The following SLC25A18 variants were observed in gnomAD, a reference collection of about 807,000 sequenced individuals.
SLC25A18 encodes solute carrier family 25 member 18.
Under a neutral mutation model 31.1 loss-of-function variants are expected in SLC25A18, and 24 were observed. The observed-to-expected ratio is 0.77, with a 90% confidence interval of 0.56 to 1.08. The LOEUF (loss-of-function observed/expected upper bound fraction) is 1.08, where lower values mean the gene tolerates loss of function less well. Among genes scored for constraint, SLC25A18 ranks in the 50% least tolerant of loss-of-function variants. The pLI is 0.00. For missense variants in SLC25A18, 371 were observed against 418.5 expected (o/e 0.89, Z 0.99); for synonymous variants, 173 against 161.9 (o/e 1.07, Z -0.52).
At chr22:17,571,110 G>A (rs2057075936) in intron 2 of SLC25A18, among the ~76,000 whole-genome samples, 1 of 152,222 alleles carries the variant, frequency 6.6e-6, no homozygotes, top group Admixed American at 6.5e-5. Flanking sequence ...GAAAACCAGG[G>A]CAGGTTGTGC....
At chr22:17,585,650 A>AT (rs143835144) in intron 7 of SLC25A18, among the ~76,000 whole-genome samples, 1,870 of 137,172 alleles carry the variant, frequency 0.014, 15 homozygotes, top group Middle Eastern at 0.041. Context: ...TATTATTATT[A>AT]TTTTTTTTTT....
At chr22:17,565,173 C>T (rs904680891) in intron 1 of SLC25A18, among the ~76,000 whole-genome samples, 1 of 152,010 alleles carries the variant, frequency 6.6e-6, no homozygotes, top group Non-Finnish European at 1.5e-5. Context: ...TCCGCCCCCC[C>T]GGGTTCACGC....
Position 17,569,978 on chromosome 22 carries a change from CGAA to C in SLC25A18, c.-208_-206del. ...TTCCAGAAAAGGCAGAGGTTCTTAC[CGAA>C]AGCAGGTAAGTGTCTTGTCTGTCTG... is the stretch of plus-strand genomic sequence containing the variant. On this transcript the variant is annotated 5_prime_UTR_variant, in exon 2 of 11. Coordinates refer to ENST00000327451, the MANE Select transcript of SLC25A18 (RefSeq NM_031481.3). The C allele has an allele frequency of 5.1e-6, 5 of 985,392 alleles. No individual in the cohort carries two copies. The highest frequency in any genetic ancestry group is 6.0e-6 in the Non-Finnish European group (5 of 829,952). 61.0% of individuals were successfully genotyped at this position (985,392 alleles called of 1,614,324 possible). A position where few individuals can be genotyped will look rare whatever the true frequency, so the allele number is the denominator to read the frequency against.
At position 17,584,399 on chromosome 22, in the gene SLC25A18, A is replaced by AAAAGAAAGAAAGAAAG. The variant is rs1187381986; in HGVS notation, c.409+876_409+891dup. Among the ~76,000 whole-genome samples, 372 of 110,664 alleles carry AAAAGAAAGAAAGAAAG rather than the reference A, an allele frequency of 3.4e-3. 6 individuals are homozygous for AAAAGAAAGAAAGAAAG. Among genetic ancestry groups the AAAAGAAAGAAAGAAAG allele is most frequent in the African/African-American group, 0.012 (339 of 28,566 alleles). The allele number at this position is 110,664 out of a possible 152,430, so 72.6% of individuals were successfully genotyped here. ...CAGAGCAAGACTCCATCTCAAAAAG[A>AAAAGAAAGAAAGAAAG]AAAGAAAGAAAGAAAGAAAGAAAGA... is the stretch of plus-strand genomic sequence containing the variant. On this transcript the variant is annotated intron_variant, in intron 7 of 10. Transcript: ENST00000327451.
chr22:17,587,356 C>T, intron 8 of SLC25A18, 55 bp downstream of exon 8: 1 of 1,548,456 alleles, frequency 6.5e-7, no homozygotes, highest in Non-Finnish European at 8.7e-7. Context: ...GCACGAGGGC[C>T]AGAGAGCTGG....
Position 17,587,277 on chromosome 22 carries a change from G to A in SLC25A18, c.551G>A (p.Arg184Lys), listed in dbSNP as rs998595253. The A allele has an allele frequency of 5.0e-6, 8 of 1,613,478 alleles. No homozygotes were observed. The highest frequency in any genetic ancestry group is 6.8e-6 in the Non-Finnish European group (8 of 1,179,940). The change falls in exon 8 of 11, where the codon AGG becomes AAG. Residue 184 changes from arginine (R) to lysine (K), a missense_variant. Arg to Lys is a conservative substitution (Grantham distance 26, BLOSUM62 2). Transcript: ENST00000327451. ...ACTCAGGGCCTGGCTGGGCTCTACA[G>A]GGGCCTGGGTGCCACTCTCCTCAGG... ...LRTQGLAGLY[R>K]GLGATLLRDI...
chr22:17,582,004 A>T (rs2146253514), intron 5 of SLC25A18: 1 of 154,076 alleles, frequency 6.5e-6, no homozygotes, highest in Non-Finnish European at 1.4e-5. Flanking sequence ...CAGCGACCCC[A>T]CCAGCAGCAA....
intron 3 of SLC25A18, 199 bp from the exon 4 acceptor site, chr22:17,580,838 C>CA: frequency 7.6e-7 from 1 of 1,316,456 alleles, no homozygotes; most frequent in African/African-American, 1.5e-5. Flanking sequence ...TCCCGGGTTG[C>CA]AGCAAGATGC....
At chr22:17,587,385 G>A (rs1601346411) in intron 8 of SLC25A18, 84 bp downstream of exon 8, 7 of 1,476,898 alleles carry the variant, frequency 4.7e-6, no homozygotes, top group East Asian at 2.3e-5. Flanking sequence ...ATCTGCCTCT[G>A]TGTCCTTCCC....
intron 9 of SLC25A18, 59 bp from the exon 10 acceptor site, chr22:17,589,531 G>T: frequency 6.7e-7 from 1 of 1,491,926 alleles, no homozygotes; most frequent in Non-Finnish European, 9.3e-7. Flanking sequence ...CCTTAGTGTT[G>T]AGGGGAGGAC....
At chr22:17,577,045 C>A (rs1006397556) in intron 2 of SLC25A18, among the ~76,000 whole-genome samples, 1 of 150,830 alleles carries the variant, frequency 6.6e-6, no homozygotes, top group African/African-American at 2.4e-5. Context: ...GGGTGGGGGA[C>A]AGAGTCTCAC....
Position 17,581,372 on chromosome 22 carries a change from TGAA to T in SLC25A18, c.161_163del (p.Lys54del), listed in dbSNP as rs1364459675. The T allele has an allele frequency of 6.2e-7, 1 of 1,613,978 alleles. No individual in the cohort carries two copies. The highest frequency in any genetic ancestry group is 1.3e-5 in the African/African-American group (1 of 74,930). Reference sequence around the variant, plus strand: ...TCTGCTTCCAGGATCGACTGCCTGATGAAGACGGCTCGGGCGGAGGGCTTCTTC... The same window carrying T: ...TCTGCTTCCAGGATCGACTGCCTGATGACGGCTCGGGCGGAGGGCTTCTTC... On this transcript the variant is annotated inframe_deletion, in exon 5 of 11. Coordinates refer to ENST00000327451, the MANE Select transcript of SLC25A18 (RefSeq NM_031481.3).
intron 2 of SLC25A18, among the ~76,000 whole-genome samples, chr22:17,574,453 C>G (rs2146223849): frequency 6.6e-6 from 1 of 152,270 alleles, no homozygotes; most frequent in East Asian, 1.9e-4. Flanking sequence ...CTGCTCACAC[C>G]AAGCCCACAT....
At chr22:17,573,233 C>T (rs1028984724) in intron 2 of SLC25A18, among the ~76,000 whole-genome samples, 1 of 152,180 alleles carries the variant, frequency 6.6e-6, no homozygotes, top group African/African-American at 2.4e-5. Flanking sequence ...TCATTATTTT[C>T]TAGCAAAACA....
intron 2 of SLC25A18, among the ~76,000 whole-genome samples, chr22:17,576,045 A>T (rs1315854959): frequency 6.6e-6 from 1 of 152,048 alleles, no homozygotes; most frequent in Admixed American, 6.6e-5. Flanking sequence ...ACACCCTCTA[A>T]ATTCCTTCAG....
intron 9 of SLC25A18, chr22:17,588,638 A>G (rs921883745): frequency 1.3e-5 from 2 of 152,628 alleles, no homozygotes; most frequent in African/African-American, 4.8e-5. Flanking sequence ...CGACAGCACA[A>G]GACTTCATCT....
chr22:17,585,647 ATTATTTTT>A (rs1172399767), intron 7 of SLC25A18, among the ~76,000 whole-genome samples: 2 of 138,394 alleles, frequency 1.4e-5, no homozygotes, highest in Non-Finnish European at 3.1e-5. Flanking sequence ...TATTATTATT[ATTATTTTT>A]TTTTTTTTTT....
chr22:17,564,857 C>CAAAAAAAAA lies in SLC25A18; in HGVS notation c.-264+1148_-264+1156dup, dbSNP rs695292. Among the ~76,000 whole-genome samples, 26 of 112,358 alleles carry CAAAAAAAAA rather than the reference C, an allele frequency of 2.3e-4. 3 individuals carry two copies. Among genetic ancestry groups the CAAAAAAAAA allele is most frequent in the Admixed American group, 1.9e-4 (2 of 10,558 alleles). The allele number at this position is 112,358 out of a possible 152,430, so 73.7% of individuals were successfully genotyped here. A position where few individuals can be genotyped will look rare whatever the true frequency, so the allele number is the denominator to read the frequency against. On this transcript the variant is annotated intron_variant, in intron 1 of 10. Coordinates refer to ENST00000327451, the MANE Select transcript of SLC25A18 (RefSeq NM_031481.3). ...GGGGGACAGAGCAAGACTCTGTCTC[C>CAAAAAAAAA]AAAAAAAAAAAATCAGGCCCAGGCA...
chr22:17,569,563 G>A, intron 1 of SLC25A18: 1 of 965,920 alleles, frequency 1.0e-6, no homozygotes, highest in African/African-American at 1.8e-5. Context: ...TGTTTGCGTT[G>A]CATTGATTTT....
Sources: gnomAD v4.1 joint callset for allele counts (sites outside exome capture counted in the v4.1 genomes callset) on GRCh38, gnomAD v4.1.1 for gene constraint, MANE v1.5 for transcripts, NCBI Gene and HGNC (gene_info 2026-07-23, HGNC 2026-07-21) for gene names.